CCNA2: variants seen among roughly 807,000 people sequenced by gnomAD.
CCNA2 encodes the protein cyclin-A2.
In CCNA2, 3 loss-of-function variants were observed where a neutral mutation model predicts 49.4. The ratio of observed to expected loss-of-function variants is 0.06; its 90% CI spans 0.03 to 0.16. The LOEUF is 0.16. CCNA2 is among the 10% of genes least tolerant of loss of function. The pLI, the probability that CCNA2 is intolerant of heterozygous loss-of-function variation, is 1.00. For missense variants in CCNA2, 372 were observed against 519.7 expected (o/e 0.72, Z 2.76); for synonymous variants, 206 against 197.2 (o/e 1.04, Z -0.37).
At position 121,816,452 on chromosome 4, in the gene CCNA2, C is replaced by G. The variant is rs1327782621; in HGVS notation, c.*1186G>C. Reference sequence around the variant, plus strand: ...CAAGAATCCAAAGAAAATAAGGTAACAAATTTCTGGTTTATTTCAAATGTA... The same window carrying G: ...CAAGAATCCAAAGAAAATAAGGTAAGAAATTTCTGGTTTATTTCAAATGTA... On this transcript the variant is annotated 3_prime_UTR_variant, in exon 8 of 8. Coordinates refer to ENST00000274026, the MANE Select transcript of CCNA2 (RefSeq NM_001237.5). 6.5e-7 allele frequency: 1 copy of G among 1,539,364 alleles called. No homozygotes were observed. The highest frequency in any genetic ancestry group is 1.4e-5 in the African/African-American group (1 of 70,774).
At chr4:121,819,945 T>C (rs1332433253) in intron 4 of CCNA2, among the ~76,000 whole-genome samples, 15 of 149,512 alleles carry the variant, frequency 1.0e-4, no homozygotes, top group Non-Finnish European at 1.3e-4. Context: ...CTTTCTTTTT[T>C]TTTTTTTTTT....
At position 121,820,712 on chromosome 4, in the gene CCNA2, G is replaced by C; in HGVS notation, c.624C>G (p.Asn208Lys). 1 of 1,613,920 alleles carries C rather than the reference G, an allele frequency of 6.2e-7. No individual in the cohort carries two copies. Among genetic ancestry groups the C allele is most frequent in the Non-Finnish European group, 8.5e-7 (1 of 1,179,798 alleles). Residue 208 changes from asparagine (N) to lysine (K), a missense_variant, in exon 4 of 8, where the codon AAC becomes AAG. By Grantham distance (94) the Asn-to-Lys change is moderately conservative (BLOSUM62 0). Coordinates refer to ENST00000274026, the MANE Select transcript of CCNA2 (RefSeq NM_001237.5). The surrounding 1 kb of genome is among the most constrained non-coding windows in gnomAD (Gnocchi z 4.1). The stretch of plus-strand genomic sequence containing the variant: ...AGTCCACGAGGATAGCTCTCATACT[G>C]TTAGTGATGTCTGGCTGTTTCTTCA... Reference protein sequence around the residue: ...GYMKKQPDITNSMRAILVDWL... With the variant: ...GYMKKQPDITKSMRAILVDWL...
At position 121,820,786 on chromosome 4, in the gene CCNA2, A is replaced by G. The variant is rs1423285340; in HGVS notation, c.571-21T>C. 1 of 1,527,490 alleles carries G rather than the reference A, an allele frequency of 6.5e-7. No individual in the cohort carries two copies. Among genetic ancestry groups the G allele is most frequent in the Non-Finnish European group, 9.0e-7 (1 of 1,109,282 alleles). 94.6% of individuals were successfully genotyped at this position (1,527,490 alleles called of 1,614,324 possible). ...TTAACCTATTGAGAAAATTATTTAT[A>G]GTGTTAAAATTATTCTAGTGTAAAA... On this transcript the variant is annotated intron_variant, in intron 3 of 7. Coordinates refer to ENST00000274026, the MANE Select transcript of CCNA2 (RefSeq NM_001237.5). The surrounding 1 kb of genome is among the most constrained non-coding windows in gnomAD (Gnocchi z 4.1).
chr4:121,817,170 A>G lies in CCNA2; in HGVS notation c.*468T>C, dbSNP rs889194625. ...TACTGTATCTATCTCTGAATACTGT[A>G]TTCAGATATGCTTAGATTAGATTAT... is the stretch of plus-strand genomic sequence containing the variant. On this transcript the variant is annotated 3_prime_UTR_variant, in exon 8 of 8. Transcript: ENST00000274026. 4.8e-5 allele frequency: 13 copies of G among 273,238 alleles called. No individual in the cohort carries two copies. The highest frequency in any genetic ancestry group is 8.2e-5 in the Non-Finnish European group (12 of 145,674). 16.9% of individuals were successfully genotyped at this position (273,238 alleles called of 1,614,324 possible).
rs1481771523 is a variant in CCNA2 at position 121,816,709 on chromosome 4, C to CTTAT, written c.*925_*928dup. ...CCTACTGGAAAACTAAGAAATGCCTCTTATTTCAATAATCCAAAACTTAAC... is the reference window on the plus strand; with the variant it reads ...CCTACTGGAAAACTAAGAAATGCCTCTTATTTATTTCAATAATCCAAAACTTAAC... On this transcript the variant is annotated 3_prime_UTR_variant, in exon 8 of 8. Coordinates refer to ENST00000274026, the MANE Select transcript of CCNA2 (RefSeq NM_001237.5). 3 of 1,472,840 alleles carry CTTAT rather than the reference C, an allele frequency of 2.0e-6. No individual in the cohort carries two copies. In the African/African-American group the frequency reaches 4.3e-5, roughly 21 times the overall value. 91.2% of individuals were successfully genotyped at this position (1,472,840 alleles called of 1,614,324 possible). A position where few individuals can be genotyped will look rare whatever the true frequency, so the allele number is the denominator to read the frequency against.
At chr4:121,817,752 A>G in intron 7 of CCNA2, 66 bp from the exon 8 acceptor site, 1 of 1,594,968 alleles carries the variant, frequency 6.3e-7, no homozygotes, top group South Asian at 1.1e-5. Flanking sequence ...TCATGGAATA[A>G]TGTTTGTACT....
chr4:121,817,745 T>A, intron 7 of CCNA2, 59 bp from the exon 8 acceptor site: 3 of 1,604,062 alleles, frequency 1.9e-6, no homozygotes, highest in Non-Finnish European at 2.6e-6. Context: ...AAGGAGATCA[T>A]GGAATAATGT....
rs1724764612 is a variant in CCNA2, at chr4:121,823,694, C to T, written c.-66G>A. 4.7e-6 allele frequency: 7 copies of T among 1,487,166 alleles called. No individual in the cohort carries two copies. Among genetic ancestry groups the T allele is most frequent in the South Asian group, 1.3e-5 (1 of 77,574 alleles). 92.1% of individuals were successfully genotyped at this position (1,487,166 alleles called of 1,614,324 possible). A position where few individuals can be genotyped will look rare whatever the true frequency, so the allele number is the denominator to read the frequency against. On this transcript the variant is annotated 5_prime_UTR_variant, in exon 1 of 8. Coordinates refer to ENST00000274026, the MANE Select transcript of CCNA2 (RefSeq NM_001237.5). ...CCAAGCAGCGTGCACTCTGCCCAGC[C>T]GACCACTCGCACCGACCCGGCCAAA...
chr4:121,819,026 G>A (rs1007347673), intron 5 of CCNA2, 113 bp from the exon 6 acceptor site: 10 of 666,870 alleles, frequency 1.5e-5, no homozygotes, highest in Admixed American at 1.3e-4. Context: ...AGCAACTCTA[G>A]AAAAAATATC....
Position 121,817,149 on chromosome 4 carries a change from G to T in CCNA2, c.*489C>A, listed in dbSNP as rs1560630478. The T allele has an allele frequency of 1.3e-5, 4 of 314,256 alleles. No individual in the cohort carries two copies. The highest frequency in any genetic ancestry group is 2.3e-5 in the Non-Finnish European group (4 of 171,474). The allele number at this position is 314,256 out of a possible 1,614,324, so 19.5% of individuals were successfully genotyped here. A position where few individuals can be genotyped will look rare whatever the true frequency, so the allele number is the denominator to read the frequency against. On this transcript the variant is annotated 3_prime_UTR_variant, in exon 8 of 8. Transcript: ENST00000274026. ...CGAAAAAGTCTGGGGAATCTCTACT[G>T]TATCTATCTCTGAATACTGTATTCA...
In CCNA2 at chr4:121,819,498, C is replaced by G. The variant is rs745615345; in HGVS notation, c.876G>C (p.Leu292=). ...CTTTCAAAACTAGATGCTCCATTCT[C>G]AGAACTTGTTTCTTGGTGTAGGTAT... ...TDDTYTKKQV[L]RMEHLVLKVL... Residue 292 remains leucine (L), a synonymous_variant, in exon 5 of 8, where the codon CTG becomes CTC. Transcript: ENST00000274026. The G allele has an allele frequency of 2.5e-6, 4 of 1,613,668 alleles. No homozygotes were observed. The African/African-American group carries it at 5.3e-5, about 22-fold the overall frequency.
In CCNA2 at chr4:121,818,076, T is replaced by G. The variant is rs1724592406; in HGVS notation, c.1218A>C (p.Gln406His). 6.2e-7 allele frequency: 1 copy of G among 1,613,802 alleles called. No homozygotes were observed. The highest frequency in any genetic ancestry group is 1.3e-5 in the African/African-American group (1 of 74,914). The change falls in exon 7 of 8, where the codon CAA becomes CAC. Residue 406 changes from glutamine to histidine, a missense_variant. This residue lies in a region of CCNA2 where 155 missense variants were observed against 288.1 expected (regional missense o/e 0.54). Coordinates refer to ENST00000274026, the MANE Select transcript of CCNA2 (RefSeq NM_001237.5). Reference protein sequence around the residue: ...QTYLKAPQHAQQSIREKYKNS... With the variant: ...QTYLKAPQHAHQSIREKYKNS... ...TTTTGTACTTTTCTCTTATTGACTG[T>G]TGTGCATGCTGTGGTGCTTTGAGGT...
At position 121,823,652 on chromosome 4, in the gene CCNA2, G is replaced by C. The variant is rs1358118267; in HGVS notation, c.-24C>G. The C allele has an allele frequency of 6.5e-7, 1 of 1,548,966 alleles. No individual in the cohort carries two copies. Among genetic ancestry groups the C allele is most frequent in the South Asian group, 1.2e-5 (1 of 85,518 alleles). ...ATCACTGCTCCCGGGAGTGGACGGC[G>C]GGATCAGCCTGCGGCGCCAAGCAGC... is the stretch of plus-strand genomic sequence containing the variant. On this transcript the variant is annotated 5_prime_UTR_variant, in exon 1 of 8. Coordinates refer to ENST00000274026, the MANE Select transcript of CCNA2 (RefSeq NM_001237.5).
intron 5 of CCNA2, 131 bp from the exon 6 acceptor site, chr4:121,819,044 C>T: frequency 4.7e-6 from 3 of 644,722 alleles, no homozygotes; most frequent in Admixed American, 5.1e-5. Flanking sequence ...ATCTCACAGC[C>T]TCATCTTTAA....
chr4:121,816,632 T>C lies in CCNA2; in HGVS notation c.*1006A>G. ...TTATAAAAATTAGGACCTAAATCTA[T>C]AATATAAACTTCTTGGATGCCAGTC... On this transcript the variant is annotated 3_prime_UTR_variant, in exon 8 of 8. Transcript: ENST00000274026. 1 of 903,982 alleles carries C rather than the reference T, an allele frequency of 1.1e-6. No individual in the cohort carries two copies. The highest frequency in any genetic ancestry group is 1.6e-6 in the Non-Finnish European group (1 of 619,584). 56.0% of individuals were successfully genotyped at this position (903,982 alleles called of 1,614,324 possible). A position where few individuals can be genotyped will look rare whatever the true frequency, so the allele number is the denominator to read the frequency against.
Position 121,817,502 on chromosome 4 carries a change from AAT to A in CCNA2, c.*134_*135del, listed in dbSNP as rs1167290993. The A allele has an allele frequency of 2.1e-6, 2 of 970,114 alleles. No individual in the cohort carries two copies. Among genetic ancestry groups the A allele is most frequent in the Non-Finnish European group, 1.5e-6 (1 of 659,670 alleles). The allele number at this position is 970,114 out of a possible 1,614,324, so 60.1% of individuals were successfully genotyped here. On this transcript the variant is annotated 3_prime_UTR_variant, in exon 8 of 8. Coordinates refer to ENST00000274026, the MANE Select transcript of CCNA2 (RefSeq NM_001237.5). ...TACAAATTAAAACCATTTAAAAAGTAATAGATACCATAATTTGTACTTGGCCA... is the reference window on the plus strand; with the variant it reads ...TACAAATTAAAACCATTTAAAAAGTAAGATACCATAATTTGTACTTGGCCA...
Position 121,822,517 on chromosome 4 carries a change from C to T in CCNA2, c.343G>A (p.Ala115Thr). The change falls in exon 2 of 8, where the codon GCT (alanine) becomes ACT (threonine). Residue 115 changes from alanine to threonine, a missense_variant. By Grantham distance (58) the Ala-to-Thr change is moderately conservative (BLOSUM62 0). Around this residue, in one of 2 missense-constraint regions of CCNA2, gnomAD observed 217 missense variants for 231.7 expected, o/e 0.94. Coordinates refer to ENST00000274026, the MANE Select transcript of CCNA2 (RefSeq NM_001237.5). ...EAEKEAQKKP[A>T]ESQKIEREDA... ...TCACGCTCTATTTTTTGAGATTCAG[C>T]TGGCTTCTTCTGAGCTTCTTTTTCT... 1 of 1,614,150 alleles carries T rather than the reference C, an allele frequency of 6.2e-7. No individual in the cohort carries two copies. Among genetic ancestry groups the T allele is most frequent in the Non-Finnish European group, 8.5e-7 (1 of 1,180,024 alleles).
At chr4:121,817,865 C>G (rs773875956) in intron 7 of CCNA2, among the ~76,000 whole-genome samples, 179 bp from the exon 8 acceptor site, 5 of 152,208 alleles carry the variant, frequency 3.3e-5, no homozygotes, top group Non-Finnish European at 5.9e-5. Flanking sequence ...CCTTCCTTCT[C>G]TCTTCTCCCC....
At position 121,816,711 on chromosome 4, in the gene CCNA2, T is replaced by A; in HGVS notation, c.*927A>T. The A allele has an allele frequency of 6.8e-7, 1 of 1,481,218 alleles. No homozygotes were observed. Among genetic ancestry groups the A allele is most frequent in the Non-Finnish European group, 9.0e-7 (1 of 1,114,924 alleles). The allele number at this position is 1,481,218 out of a possible 1,614,324, so 91.8% of individuals were successfully genotyped here. A position where few individuals can be genotyped will look rare whatever the true frequency, so the allele number is the denominator to read the frequency against. On this transcript the variant is annotated 3_prime_UTR_variant, in exon 8 of 8. Coordinates refer to ENST00000274026, the MANE Select transcript of CCNA2 (RefSeq NM_001237.5). ...TACTGGAAAACTAAGAAATGCCTCT[T>A]ATTTCAATAATCCAAAACTTAACAT...
Sources: gnomAD v4.1 joint callset for allele counts (sites outside exome capture counted in the v4.1 genomes callset) on GRCh38, gnomAD v4.1.1 for gene constraint, gnomAD v4.1.1 regional missense constraint, Gnocchi (gnomAD v3.1) non-coding constraint, MANE v1.5 for transcripts, NCBI Gene and HGNC (gene_info 2026-07-23, HGNC 2026-07-21) for gene names.